Variants in CD33 observed in about 807,000 individuals in gnomAD.
CD33 encodes the protein myeloid cell surface antigen CD33.
Under a neutral mutation model 31.4 loss-of-function variants are expected in CD33, and 25 were observed. The observed-to-expected ratio is 0.80, with a 90% CI of 0.58 to 1.11. The LOEUF (loss-of-function observed/expected upper bound fraction) is 1.11, where lower values mean the gene tolerates loss of function less well. Among genes scored for constraint, CD33 ranks in the 50% most tolerant of loss-of-function variants. The pLI, the probability that CD33 is intolerant of heterozygous loss-of-function variation, is 0.00. For synonymous variants in CD33, 176 were observed against 180.6 expected, an observed-to-expected ratio of 0.97 and a Z score of 0.20; for missense variants, 407 against 448.1, an observed-to-expected ratio of 0.91 and a Z score of 0.83.
At chr19:51,216,923 G>A in the CD33 span, among the ~76,000 whole-genome samples, 2 of 152,176 alleles carry the variant, frequency 1.3e-5, no homozygotes, top group Non-Finnish European at 2.9e-5. Flanking sequence ...AAGGAAAAGG[G>A]GGAAGAGCAA....
At chr19:51,225,637 C>G (rs755933376) in intron 2 of CD33, 39 bp downstream of exon 2, 1 of 1,538,884 alleles carries the variant, frequency 6.5e-7, no homozygotes, top group Non-Finnish European at 8.7e-7. Context: ...AAGGGAAGTT[C>G]ATGGGTACTG....
chr19:51,225,819 C>T lies in CD33; in HGVS notation c.435C>T (p.Pro145=). The change falls in exon 3 of 7, where the codon CCC becomes CCT. Residue 145 remains proline (P), a synonymous_variant. Coordinates refer to ENST00000262262, the MANE Select transcript of CD33 (RefSeq NM_001772.4). ...CCTCACTAGACTTGACCCACAGGCC[C>T]AAAATCCTCATCCCTGGCACTCTAG... is the stretch of plus-strand genomic sequence containing the variant. ...SVHVTDLTHR[P]KILIPGTLEP... The T allele has an allele frequency of 6.2e-7, 1 of 1,613,872 alleles. No homozygotes were observed. The highest frequency in any genetic ancestry group is 8.5e-7 in the Non-Finnish European group (1 of 1,179,882).
At chr19:51,231,929 T>G (rs1324691056) in intron 4 of CD33, among the ~76,000 whole-genome samples, 1 of 152,080 alleles carries the variant, frequency 6.6e-6, no homozygotes, top group East Asian at 1.9e-4. Flanking sequence ...CAGCTAATTT[T>G]TGTGTTTCTT....
At chr19:51,236,814 G>A (rs543897400) in intron 6 of CD33, 1 of 152,318 alleles carries the variant, frequency 6.6e-6, no homozygotes, top group Admixed American at 6.5e-5. Flanking sequence ...AACCACTCCT[G>A]AGCCGAGAGC....
At chr19:51,216,592 C>T in the CD33 span, among the ~76,000 whole-genome samples, 2 of 151,488 alleles carry the variant, frequency 1.3e-5, no homozygotes, top group Non-Finnish European at 2.9e-5. Flanking sequence ...CCTGTAGTCC[C>T]AGCTACTCGG....
At chr19:51,226,148 G>T in intron 3 of CD33, 67 bp downstream of exon 3, 1 of 1,578,918 alleles carries the variant, frequency 6.3e-7, no homozygotes, top group South Asian at 1.1e-5. Flanking sequence ...CTGGTGCTGG[G>T]GACATTTAGT....
chr19:51,212,758 T>A, the CD33 span, among the ~76,000 whole-genome samples: 1 of 152,184 alleles, frequency 6.6e-6, no homozygotes, highest in Admixed American at 6.5e-5. Flanking sequence ...TGTCCTTAGA[T>A]GCCCGTCCTC....
At chr19:51,230,170 A>G (rs1022377153) in intron 4 of CD33, among the ~76,000 whole-genome samples, 13 of 126 alleles carry the variant, frequency 0.1, no homozygotes, top group South Asian at 0.12. Flanking sequence ...GTATTTGTAT[A>G]GTTTGCATGT....
rs1980985224 is a variant in CD33 at position 51,225,945 on chromosome 19, G to A, written c.561G>A (p.Leu187=). 1.9e-6 allele frequency: 3 copies of A among 1,614,046 alleles called. No individual in the cohort carries two copies. Among genetic ancestry groups the A allele is most frequent in the African/African-American group, 2.7e-5 (2 of 75,010 alleles). Residue 187 remains leucine (L), a synonymous_variant, in exon 3 of 7, where the codon CTG becomes CTA. Transcript: ENST00000262262. ...GGTTGTCAGCTGCCCCCACCTCCCT[G>A]GGCCCCAGGACTACTCACTCCTCGG... is the stretch of plus-strand genomic sequence containing the variant. ...FSWLSAAPTS[L]GPRTTHSSVL...
intron 2 of CD33, 85 bp downstream of exon 2, chr19:51,225,683 G>C (rs1246358243): frequency 6.5e-7 from 1 of 1,527,118 alleles, no homozygotes; most frequent in East Asian, 2.3e-5. Context: ...GGTACTGGGA[G>C]GGGTTTAGGG....
Position 51,225,589 on chromosome 19 carries a change from C to T in CD33, c.409C>T (p.His137Tyr). The T allele has an allele frequency of 6.4e-7, 1 of 1,556,214 alleles. No homozygotes were observed. The highest frequency in any genetic ancestry group is 8.7e-7 in the Non-Finnish European group (1 of 1,150,860). Residue 137 changes from histidine to tyrosine, a missense_variant, in exon 2 of 7, where the codon CAT becomes TAT. His to Tyr is a moderately conservative substitution (Grantham distance 83). Transcript: ENST00000262262. Reference protein sequence around the residue: ...YSYKSPQLSVHVTDLTHRPKI... With the variant: ...YSYKSPQLSVYVTDLTHRPKI... ...TTACAAATCTCCCCAGCTCTCTGTG[C>T]ATGTGACAGGTGAGGCACAGGCTTC...
intron 4 of CD33, among the ~76,000 whole-genome samples, chr19:51,233,228 C>G (rs1981544496): frequency 6.6e-6 from 1 of 152,210 alleles, no homozygotes; most frequent in Non-Finnish European, 1.5e-5. Context: ...ACTACCCCAG[C>G]CTGGGGATGT....
At chr19:51,226,221 C>A in intron 3 of CD33, 88 bp from the exon 4 acceptor site, 1 of 1,517,588 alleles carries the variant, frequency 6.6e-7, no homozygotes, top group African/African-American at 1.4e-5. Flanking sequence ...TTCTGCATTT[C>A]TGTGGTTTCT....
chr19:51,226,473 G>A lies in CD33; in HGVS notation c.745+117G>A, dbSNP rs76724020. On this transcript the variant is annotated intron_variant, in intron 4 of 6. Transcript: ENST00000262262. ...AGGCAAGGCCTGCAGTTAGACACGG[G>A]TAGACATCAGGCACCTTGGAAAAGG... The A allele has an allele frequency of 1.7e-4, 144 of 837,098 alleles. No individual in the cohort carries two copies. The African/African-American group carries it at 2.1e-3, about 12-fold the overall frequency. The allele number at this position is 837,098 out of a possible 1,614,324, so 51.9% of individuals were successfully genotyped here.
intron 6 of CD33, 60 bp from the exon 7 acceptor site, chr19:51,239,458 C>T: frequency 7.5e-7 from 1 of 1,335,088 alleles, no homozygotes; most frequent in Non-Finnish European, 1.0e-6. Context: ...ACCCTCTTTG[C>T]CTTCTCCTGG....
chr19:51,226,108 T>A (rs1486791266), intron 3 of CD33, 27 bp downstream of exon 3: 1 of 1,609,400 alleles, frequency 6.2e-7, no homozygotes, highest in Non-Finnish European at 8.5e-7. Flanking sequence ...GATGCTGGGG[T>A]CCCTGAGGGT....
chr19:51,233,484 C>T (rs1265016738), intron 4 of CD33, among the ~76,000 whole-genome samples: 1 of 152,200 alleles, frequency 6.6e-6, no homozygotes, highest in East Asian at 1.9e-4. Context: ...AATGAAGATG[C>T]ACAATGATAA....
At chr19:51,231,978 A>T (rs1981458989) in intron 4 of CD33, among the ~76,000 whole-genome samples, 1 of 151,992 alleles carries the variant, frequency 6.6e-6, no homozygotes, top group South Asian at 2.1e-4. Flanking sequence ...AGCTGGTCTC[A>T]AATTAAAGAG....
At chr19:51,234,858 G>A (rs1981663916) in intron 4 of CD33, among the ~76,000 whole-genome samples, 1 of 152,184 alleles carries the variant, frequency 6.6e-6, no homozygotes, top group South Asian at 2.1e-4. Context: ...GAGCTTCACA[G>A]TCCTTCAGGG....
Sources: allele counts gnomAD v4.1 joint callset (sites outside exome capture counted in the v4.1 genomes callset), GRCh38; gene constraint gnomAD v4.1.1; transcripts MANE v1.5; gene names NCBI Gene and HGNC (gene_info 2026-07-23, HGNC 2026-07-21).